The following ATP2B2 variants were observed in gnomAD, a reference collection of about 807,000 sequenced individuals.
ATP2B2 encodes plasma membrane calcium-transporting ATPase 2.
Under a neutral mutation model 120.0 loss-of-function variants are expected in ATP2B2, and 15 were observed. The ratio of observed to expected loss-of-function variants is 0.12; its 90% CI spans 0.08 to 0.19. The LOEUF is 0.19. Among genes scored for constraint, ATP2B2 ranks in the 10% least tolerant of loss-of-function variants. The pLI is 1.00. For synonymous variants in ATP2B2, 694 were observed against 700.3 expected (o/e 0.99, Z 0.14); for missense variants, 1,045 against 1,719.8 (o/e 0.61, Z 6.94).
At chr3:10,477,357 A>T (rs2065243138) in intron 1 of ATP2B2, among the ~76,000 whole-genome samples, 2 of 152,100 alleles carry the variant, frequency 1.3e-5, no homozygotes, top group Admixed American at 6.5e-5. Context: ...TCTCAATTTA[A>T]TTTTTTCATC....
At chr3:10,361,613 A>G (rs2060902460) in intron 12 of ATP2B2, among the ~76,000 whole-genome samples, 1 of 152,144 alleles carries the variant, frequency 6.6e-6, no homozygotes, top group Admixed American at 6.5e-5. Flanking sequence ...ACTTCCTCAC[A>G]TGGCTGCCCG....
chr3:10,398,146 A>G (rs2062102648), intron 5 of ATP2B2, among the ~76,000 whole-genome samples: 1 of 152,022 alleles, frequency 6.6e-6, no homozygotes, highest in South Asian at 2.1e-4. Flanking sequence ...GGGCTCTGAG[A>G]GACTGATGGG....
At chr3:10,619,964 A>C (rs922545315) in intron 1 of ATP2B2, 1 of 152,266 alleles carries the variant, frequency 6.6e-6, no homozygotes, top group African/African-American at 2.4e-5. Flanking sequence ...AGGGAAACCT[A>C]AGAGAAAACG....
At chr3:10,354,048 C>A (rs1464001186) in intron 14 of ATP2B2, among the ~76,000 whole-genome samples, 1 of 152,238 alleles carries the variant, frequency 6.6e-6, no homozygotes, top group African/African-American at 2.4e-5. Context: ...TGCCTTCTTG[C>A]CCTGCTCATT....
chr3:10,388,142 T>C (rs2061736441), intron 6 of ATP2B2, 135 bp downstream of exon 6: 1 of 1,320,592 alleles, frequency 7.6e-7, no homozygotes, highest in Non-Finnish European at 1.1e-6. Flanking sequence ...GCCTTAAGGA[T>C]GCAGGAGGTG....
At chr3:10,423,861 C>T (rs2063067283) in intron 2 of ATP2B2, among the ~76,000 whole-genome samples, 1 of 152,180 alleles carries the variant, frequency 6.6e-6, no homozygotes, top group South Asian at 2.1e-4. Flanking sequence ...AACCTAGCTT[C>T]GCCTGCTGAG....
chr3:10,469,182 A>G (rs2064878642), intron 1 of ATP2B2, among the ~76,000 whole-genome samples: 1 of 152,238 alleles, frequency 6.6e-6, no homozygotes, highest in African/African-American at 2.4e-5. Flanking sequence ...CCTGCACATG[A>G]TAACAACTGA....
At chr3:10,380,342 G>T (rs1216498659) in intron 8 of ATP2B2, among the ~76,000 whole-genome samples, 1 of 152,250 alleles carries the variant, frequency 6.6e-6, no homozygotes, top group Non-Finnish European at 1.5e-5. Context: ...CTGCCAACAG[G>T]CCTCGCCCCC....
At chr3:10,564,914 G>C (rs1467173117) in intron 2 of ATP2B2, among the ~76,000 whole-genome samples, 2 of 152,190 alleles carry the variant, frequency 1.3e-5, no homozygotes, top group East Asian at 3.8e-4. Context: ...CGGCTGCTTA[G>C]ATAGACCACA....
intron 2 of ATP2B2, among the ~76,000 whole-genome samples, chr3:10,582,647 T>C (rs750568181): frequency 2.3e-4 from 35 of 152,082 alleles, no homozygotes; most frequent in Admixed American, 7.2e-4. Flanking sequence ...GAGAATGGAA[T>C]GAGAGGGAGG....
At chr3:10,520,757 C>CTT (rs5846668) in intron 3 of ATP2B2, among the ~76,000 whole-genome samples, 4,143 of 145,664 alleles carry the variant, frequency 0.028, 198 homozygotes, top group African/African-American at 0.095. Flanking sequence ...CACCTGGCCT[C>CTT]TTTTTTTTTT....
intron 12 of ATP2B2, among the ~76,000 whole-genome samples, chr3:10,369,960 G>T (rs1190998559): frequency 6.6e-6 from 1 of 152,164 alleles, no homozygotes; most frequent in East Asian, 1.9e-4. Context: ...TGATGCCAGG[G>T]TTCCAGGCAC....
intron 2 of ATP2B2, among the ~76,000 whole-genome samples, chr3:10,609,317 A>G (rs1223349820): frequency 6.6e-6 from 1 of 151,870 alleles, no homozygotes; most frequent in Admixed American, 6.6e-5. Context: ...TGCCAGCAGC[A>G]GGGCAGAGAC....
At chr3:10,438,832 A>T (rs2063559544) in intron 2 of ATP2B2, among the ~76,000 whole-genome samples, 1 of 152,216 alleles carries the variant, frequency 6.6e-6, no homozygotes, top group Non-Finnish European at 1.5e-5. Context: ...GCCTGCAGTT[A>T]TACAGCAACA....
At chr3:10,699,621 A>T (rs1257903521) in intron 1 of ATP2B2, among the ~76,000 whole-genome samples, 4 of 151,836 alleles carry the variant, frequency 2.6e-5, no homozygotes, top group Non-Finnish European at 4.4e-5. Flanking sequence ...TAATTGGGGG[A>T]TGTGATAGTT....
intron 2 of ATP2B2, among the ~76,000 whole-genome samples, chr3:10,553,760 G>A (rs2067719160): frequency 6.6e-6 from 1 of 152,102 alleles, no homozygotes; most frequent in Admixed American, 6.5e-5. Context: ...AAGGAACTGG[G>A]TGTTATCGAG....
chr3:10,480,081 G>C (rs749896198), intron 1 of ATP2B2, among the ~76,000 whole-genome samples: 2 of 152,210 alleles, frequency 1.3e-5, no homozygotes, highest in African/African-American at 4.8e-5. Context: ...CTGGGTGACA[G>C]AGTGAGACCC....
chr3:10,336,368 G>A (rs1559524973), intron 22 of ATP2B2: 1 of 1,467,614 alleles, frequency 6.8e-7, no homozygotes, highest in Non-Finnish European at 9.2e-7. Flanking sequence ...GACTGACAGG[G>A]CAACGTCACA....
At chr3:10,403,146 G>C (rs909419892) in intron 3 of ATP2B2, among the ~76,000 whole-genome samples, 1 of 152,144 alleles carries the variant, frequency 6.6e-6, no homozygotes, top group African/African-American at 2.4e-5. Context: ...TGCAAAATAG[G>C]GATCACTGAG....
Sources: gnomAD v4.1 joint callset for allele counts (sites outside exome capture counted in the v4.1 genomes callset) on GRCh38, gnomAD v4.1.1 for gene constraint, MANE v1.5 for transcripts, NCBI Gene and HGNC (gene_info 2026-07-23, HGNC 2026-07-21) for gene names.